The following MAP4K5 variants were observed in gnomAD, a reference collection of about 807,000 sequenced individuals.
The protein encoded by MAP4K5 is MAPK/ERK kinase kinase kinase 5.
In MAP4K5, 82 loss-of-function variants were observed where a neutral mutation model predicts 135.6. That is an observed-to-expected ratio of 0.60 (90% CI 0.51 to 0.73). The LOEUF (loss-of-function observed/expected upper bound fraction) is 0.73, where lower values mean the gene tolerates loss of function less well. MAP4K5 is among the 30% of genes least tolerant of loss of function. The pLI, the probability that MAP4K5 is intolerant of heterozygous loss-of-function variation, is 0.00. For synonymous variants in MAP4K5, 347 were observed against 335.0 expected (o/e 1.04, Z -0.39); for missense variants, 907 against 1,010.9 (o/e 0.90, Z 1.39).
Position 50,428,768 on chromosome 14 carries a change from A to T in MAP4K5, c.2234-14T>A. On this transcript the variant is annotated splice_polypyrimidine_tract_variant and intron_variant, in intron 29 of 32. Coordinates refer to ENST00000682126, the MANE Select transcript of MAP4K5 (RefSeq NM_006575.6). ...TTTTCACAAATTCTTAAAAAAAAAA[A>T]ACAAGTCAAGACTGGACATGCAAAT... 1 of 1,327,466 alleles carries T rather than the reference A, an allele frequency of 7.5e-7. No individual in the cohort carries two copies. Among genetic ancestry groups the T allele is most frequent in the Non-Finnish European group, 1.0e-6 (1 of 973,290 alleles). The allele number at this position is 1,327,466 out of a possible 1,614,324, so 82.2% of individuals were successfully genotyped here.
At position 50,532,120 on chromosome 14, in the gene MAP4K5, C is replaced by T; in HGVS notation, c.-71G>A. 2 of 947,738 alleles carry T rather than the reference C, an allele frequency of 2.1e-6. No individual in the cohort carries two copies. The highest frequency in any genetic ancestry group is 1.6e-6 in the Non-Finnish European group (1 of 625,372). 58.7% of individuals were successfully genotyped at this position (947,738 alleles called of 1,614,324 possible). A position where few individuals can be genotyped will look rare whatever the true frequency, so the allele number is the denominator to read the frequency against. ...GATTCCCGCTAACAAGCACGAACGG[C>T]GCCGCTTCCCAACATGGAGCCTCCG... On this transcript the variant is annotated 5_prime_UTR_variant, in exon 2 of 33. Coordinates refer to ENST00000682126, the MANE Select transcript of MAP4K5 (RefSeq NM_006575.6).
intron 32 of MAP4K5, 46 bp from the exon 33 acceptor site, chr14:50,420,152 C>T (rs1157452175): frequency 9.8e-7 from 1 of 1,018,242 alleles, no homozygotes; most frequent in Admixed American, 1.9e-5. Context: ...CTACAGATTT[C>T]ATACATCAAA....
chr14:50,426,972 C>T (rs148523737), intron 30 of MAP4K5, among the ~76,000 whole-genome samples: 1 of 152,182 alleles, frequency 6.6e-6, no homozygotes, highest in East Asian at 1.9e-4. Context: ...GTTCTGGGAA[C>T]ATAATTAAGC....
chr14:50,500,441 T>C (rs2356257), intron 3 of MAP4K5, among the ~76,000 whole-genome samples: 31,037 of 152,072 alleles, frequency 0.2, 3,815 homozygotes, highest in East Asian at 0.53. Context: ...TCTTGGACTG[T>C]TTAAATAAAA....
At chr14:50,461,723 A>T (rs1187362352) in intron 13 of MAP4K5, among the ~76,000 whole-genome samples, 1 of 152,030 alleles carries the variant, frequency 6.6e-6, no homozygotes, top group African/African-American at 2.4e-5. Context: ...GATCAAGACA[A>T]TCCTGGCCAA....
intron 3 of MAP4K5, among the ~76,000 whole-genome samples, chr14:50,489,974 T>C (rs944653104): frequency 6.6e-6 from 1 of 152,082 alleles, no homozygotes; most frequent in Non-Finnish European, 1.5e-5. Flanking sequence ...TTTCTCCTCC[T>C]TTCTGTAAGG....
intron 13 of MAP4K5, among the ~76,000 whole-genome samples, chr14:50,458,332 C>T (rs988133080): frequency 6.6e-6 from 1 of 152,124 alleles, no homozygotes; most frequent in Admixed American, 6.6e-5. Flanking sequence ...GGACAGTATT[C>T]ATGAGCATTT....
At chr14:50,442,931 G>A (rs1360922984) in intron 20 of MAP4K5, 115 bp from the exon 21 acceptor site, 1 of 600,682 alleles carries the variant, frequency 1.7e-6, no homozygotes, top group African/African-American at 1.9e-5. Flanking sequence ...TATGCTTGTT[G>A]TTTCATTCCA....
chr14:50,493,663 A>G (rs1354850074), intron 3 of MAP4K5, among the ~76,000 whole-genome samples: 3 of 152,188 alleles, frequency 2.0e-5, no homozygotes, highest in Non-Finnish European at 4.4e-5. Context: ...CACAGTGAAC[A>G]ATCAGACAAG....
At chr14:50,553,959 C>T (rs986235340) in intron 1 of MAP4K5, among the ~76,000 whole-genome samples, 2 of 151,898 alleles carry the variant, frequency 1.3e-5, no homozygotes, top group Middle Eastern at 3.2e-3. Flanking sequence ...GGCAAAGGGT[C>T]GGGAGGGTGA....
rs1345987613 is a variant in MAP4K5 at position 50,464,065 on chromosome 14, T to C, written c.806A>G (p.Glu269Gly). ...TKNPKKRPTA[E>G]RLLTHTFVAQ... ...TCAATGACTTACAGTCAGAAGTCTT[T>C]CAGCAGTTGGTCTTTTTTTTGGGTT... is the stretch of plus-strand genomic sequence containing the variant. Residue 269 changes from glutamate (E) to glycine (G), a missense_variant, in exon 12 of 33, where the codon GAA becomes GGA. Transcript: ENST00000682126. 6.5e-7 allele frequency: 1 copy of C among 1,542,898 alleles called. No individual in the cohort carries two copies. The highest frequency in any genetic ancestry group is 2.4e-5 in the East Asian group (1 of 41,186).
intron 1 of MAP4K5, among the ~76,000 whole-genome samples, chr14:50,548,538 C>G (rs1397760265): frequency 6.6e-6 from 1 of 152,102 alleles, no homozygotes; most frequent in Non-Finnish European, 1.5e-5. Context: ...GAGATGGAGT[C>G]TTGCTCTGTC....
chr14:50,486,003 T>C (rs1028525833), intron 4 of MAP4K5, 101 bp downstream of exon 4: 4 of 624,946 alleles, frequency 6.4e-6, no homozygotes, highest in Non-Finnish European at 1.1e-5. Context: ...TTGCAGTGTT[T>C]AAAAACATAC....
intron 1 of MAP4K5, among the ~76,000 whole-genome samples, chr14:50,544,784 A>G (rs1208290221): frequency 1.3e-5 from 2 of 151,954 alleles, no homozygotes; most frequent in African/African-American, 4.8e-5. Flanking sequence ...AAGTTGGGAA[A>G]AAATTAGCCA....
chr14:50,467,113 C>G (rs535008214), intron 10 of MAP4K5, among the ~76,000 whole-genome samples: 3 of 151,964 alleles, frequency 2.0e-5, no homozygotes, highest in Admixed American at 2.0e-4. Flanking sequence ...CAATGATTTC[C>G]CATATTCTCT....
At chr14:50,551,046 T>G (rs1383266534) in intron 1 of MAP4K5, among the ~76,000 whole-genome samples, 1 of 151,462 alleles carries the variant, frequency 6.6e-6, no homozygotes, top group Non-Finnish European at 1.5e-5. Context: ...AGAAACTAAA[T>G]GAAATTGAAA....
intron 1 of MAP4K5, among the ~76,000 whole-genome samples, chr14:50,553,497 C>G (rs2038728379): frequency 6.6e-6 from 1 of 151,954 alleles, no homozygotes; most frequent in Non-Finnish European, 1.5e-5. Flanking sequence ...TTTTACGCTG[C>G]TGGTGGGAAT....
At chr14:50,470,384 A>C (rs918544984) in intron 9 of MAP4K5, among the ~76,000 whole-genome samples, 3 of 152,166 alleles carry the variant, frequency 2.0e-5, no homozygotes, top group Non-Finnish European at 2.9e-5. Flanking sequence ...CAAAAAATAG[A>C]CAATTTAGAC....
intron 2 of MAP4K5, among the ~76,000 whole-genome samples, chr14:50,529,100 G>C (rs1055011777): frequency 6.6e-6 from 1 of 152,088 alleles, no homozygotes; most frequent in African/African-American, 2.4e-5. Context: ...CAGCATCACA[G>C]GGCCGGATGT....
Sources: gnomAD v4.1 joint callset for allele counts (sites outside exome capture counted in the v4.1 genomes callset) on GRCh38, gnomAD v4.1.1 for gene constraint, MANE v1.5 for transcripts, NCBI Gene and HGNC (gene_info 2026-07-23, HGNC 2026-07-21) for gene names.